The following RYR2 variants were observed in gnomAD, a reference collection of about 807,000 sequenced individuals.
The protein encoded by RYR2 is ryanodine receptor 2, also known as cardiac muscle ryanodine receptor-calcium release channel.
A neutral mutation model predicts 601.1 loss-of-function variants in RYR2; 227 were observed. The observed-to-expected ratio is 0.38, with a 90% CI of 0.34 to 0.42. The LOEUF (loss-of-function observed/expected upper bound fraction) is 0.42. Ranked by LOEUF, RYR2 falls within the 10% of genes least tolerant of loss-of-function variation. The probability of loss-of-function intolerance (pLI) is 1.00; values close to 1 mark genes in which losing one functional copy is unlikely to be tolerated. For missense variants in RYR2, 4,646 were observed against 6,156.5 expected (o/e 0.75, Z 8.21); for synonymous variants, 2,223 against 2,175.1 (o/e 1.02, Z -0.61).
intron 62 of RYR2, among the ~76,000 whole-genome samples, chr1:237,682,505 T>C (rs1013711256): frequency 6.6e-6 from 1 of 152,204 alleles, no homozygotes; most frequent in Non-Finnish European, 1.5e-5. Context: ...TGTTTAGATA[T>C]ACAAATACCA....
chr1:237,754,023 A>G (rs1314519916), intron 80 of RYR2, among the ~76,000 whole-genome samples: 1 of 151,928 alleles, frequency 6.6e-6, no homozygotes, highest in Non-Finnish European at 1.5e-5. Context: ...AAGAAATAAT[A>G]TTAAAGAATC....
At chr1:237,122,739 TA>T (rs1460032957) in intron 1 of RYR2, among the ~76,000 whole-genome samples, 3 of 152,144 alleles carry the variant, frequency 2.0e-5, no homozygotes, top group African/African-American at 7.2e-5. Context: ...TGATCCTAAG[TA>T]AAAGATAAGA....
At chr1:237,654,153 TG>T in intron 51 of RYR2, 120 bp from the exon 52 acceptor site, 1 of 1,159,646 alleles carries the variant, frequency 8.6e-7, no homozygotes, top group Non-Finnish European at 1.2e-6. Flanking sequence ...TATATGGGAT[TG>T]GGCAATTTCA....
intron 1 of RYR2, among the ~76,000 whole-genome samples, chr1:237,207,255 G>C (rs940385603): frequency 2.6e-5 from 4 of 152,046 alleles, no homozygotes; most frequent in Non-Finnish European, 5.9e-5. Context: ...TTATGAATGG[G>C]ATGAAGGCCT....
At chr1:237,540,061 G>A (rs1002680694) in intron 25 of RYR2, among the ~76,000 whole-genome samples, 1 of 151,536 alleles carries the variant, frequency 6.6e-6, no homozygotes, top group Non-Finnish European at 1.5e-5. Flanking sequence ...AAACAAACAA[G>A]CAAACAGTGA....
At chr1:237,345,387 C>A (rs926807265) in intron 3 of RYR2, among the ~76,000 whole-genome samples, 19 of 151,270 alleles carry the variant, frequency 1.3e-4, no homozygotes, top group Admixed American at 3.3e-4. Flanking sequence ...TAGATCTAAG[C>A]CCAGGAGGTC....
At chr1:237,628,428 T>C (rs1422716762) in intron 41 of RYR2, among the ~76,000 whole-genome samples, 1 of 147,850 alleles carries the variant, frequency 6.8e-6, no homozygotes, top group Non-Finnish European at 1.5e-5. Context: ...TGTCCATGTG[T>C]TCACATTGTT....
chr1:237,687,385 A>ATT, intron 62 of RYR2, 70 bp from the exon 63 acceptor site: 2 of 209,452 alleles, frequency 9.5e-6, no homozygotes, highest in Non-Finnish European at 1.5e-5. Context: ...TTTTTTTTTT[A>ATT]ATTTCCCCCT....
intron 34 of RYR2, 53 bp downstream of exon 34, chr1:237,595,710 C>T (rs1675823975): frequency 1.3e-6 from 2 of 1,544,130 alleles, no homozygotes; most frequent in African/African-American, 1.4e-5. Flanking sequence ...TTCTTTCCCC[C>T]ATTAAAGGAA....
At chr1:237,110,933 C>G (rs148406012) in intron 1 of RYR2, among the ~76,000 whole-genome samples, 3 of 152,156 alleles carry the variant, frequency 2.0e-5, no homozygotes, top group African/African-American at 7.2e-5. Flanking sequence ...TGTGAAGTCC[C>G]CCTTTAATGA....
intron 38 of RYR2, among the ~76,000 whole-genome samples, chr1:237,620,439 A>G (rs1381989995): frequency 6.6e-6 from 1 of 152,284 alleles, no homozygotes; most frequent in Non-Finnish European, 1.5e-5. Context: ...AACAAACGGA[A>G]CCACAGGTGA....
chr1:237,313,859 T>TACTC lies in RYR2; in HGVS notation c.169-17007_169-17004dup, dbSNP rs887183708. Among the ~76,000 whole-genome samples, 3 of 152,052 alleles carry TACTC rather than the reference T, an allele frequency of 2.0e-5. No homozygotes were observed. In the East Asian group the frequency reaches 5.8e-4, roughly 29 times the overall value. ...TTTTTTATTTATTGACTTATTTATT[T>TACTC]ACTCACTCACTCACTTGCTGGCTGG... On this transcript the variant is annotated intron_variant, in intron 2 of 104. Transcript: ENST00000366574.
At chr1:237,203,662 C>T (rs567084306) in intron 1 of RYR2, among the ~76,000 whole-genome samples, 1 of 152,208 alleles carries the variant, frequency 6.6e-6, no homozygotes, top group African/African-American at 2.4e-5. Flanking sequence ...ATTTCATTTA[C>T]TTTCTAAGCT....
chr1:237,568,290 C>T (rs1345769309), intron 28 of RYR2, among the ~76,000 whole-genome samples: 1 of 152,102 alleles, frequency 6.6e-6, no homozygotes, highest in Non-Finnish European at 1.5e-5. Context: ...AGAATTATGT[C>T]ATTGCTTTGC....
At chr1:237,505,613 G>A (rs527530642) in intron 22 of RYR2, among the ~76,000 whole-genome samples, 1 of 152,252 alleles carries the variant, frequency 6.6e-6, no homozygotes, top group African/African-American at 2.4e-5. Context: ...AAAAGATTTG[G>A]GAGACTAGAA....
rs559583711 is a variant in RYR2, at chr1:237,300,194, G to A, written c.168+29578G>A. ...GAAGACTGACTTAGTATTATTGAGA[G>A]AATCAAATAAGATGATACACGGACC... On this transcript the variant is annotated intron_variant, in intron 2 of 104. Transcript: ENST00000366574. Among the ~76,000 whole-genome samples, 53 of 152,274 alleles carry A rather than the reference G, an allele frequency of 3.5e-4. 1 individual carries two copies. Among genetic ancestry groups the A allele is most frequent in the African/African-American group, 1.3e-3 (52 of 41,560 alleles).
chr1:237,622,379 C>T (rs1453212906), intron 38 of RYR2, among the ~76,000 whole-genome samples: 2 of 152,162 alleles, frequency 1.3e-5, no homozygotes, highest in East Asian at 3.8e-4. Context: ...TGAAATGATA[C>T]CACAAGTGGA....
intron 1 of RYR2, among the ~76,000 whole-genome samples, chr1:237,107,082 G>A (rs1400122544): frequency 6.6e-6 from 1 of 152,100 alleles, no homozygotes; most frequent in East Asian, 1.9e-4. Flanking sequence ...AGGCTGGAGG[G>A]CTAAAGAAGG....
At chr1:237,270,467 AT>A in intron 1 of RYR2, 29 bp from the exon 2 acceptor site, 1 of 1,556,120 alleles carries the variant, frequency 6.4e-7, no homozygotes, top group Non-Finnish European at 8.7e-7. Flanking sequence ...CGTCTCACTT[AT>A]TTTTCCCTCT....
Sources: allele counts gnomAD v4.1 joint callset (sites outside exome capture counted in the v4.1 genomes callset), GRCh38; gene constraint gnomAD v4.1.1; transcripts MANE v1.5; gene names NCBI Gene and HGNC (gene_info 2026-07-23, HGNC 2026-07-21).